The following ZNF423 variants were observed in gnomAD, a reference collection of about 807,000 sequenced individuals.
ZNF423 encodes the protein Ebf-associated zinc finger protein.
ZNF423 carries 12 observed loss-of-function variants against 95.8 expected under a neutral mutation model. The ratio of observed to expected loss-of-function variants is 0.13; its 90% CI spans 0.08 to 0.20. The LOEUF (loss-of-function observed/expected upper bound fraction) is 0.20. Among genes scored for constraint, ZNF423 ranks in the 10% least tolerant of loss-of-function variants. The pLI, the probability that ZNF423 is intolerant of heterozygous loss-of-function variation, is 1.00. For synonymous variants in ZNF423, 749 were observed against 711.9 expected, an observed-to-expected ratio of 1.05 and a Z score of -0.83; for missense variants, 1,316 against 1,737.1, an observed-to-expected ratio of 0.76 and a Z score of 4.31.
Position 49,516,582 on chromosome 16 carries a change from G to A in ZNF423, c.3849+7042C>T, listed in dbSNP as rs563219528. On this transcript the variant is annotated intron_variant, in intron 7 of 7. Coordinates refer to ENST00000563137, the MANE Select transcript of ZNF423 (RefSeq NM_001379286.1). ...GAGCTGCCCTCACAAAGACTGGGCC[G>A]CTCCCTGCTTCACTCTTGGCAGCAT... is the stretch of plus-strand genomic sequence containing the variant. 2.0e-5 allele frequency among the ~76,000 whole-genome samples: 3 copies of A among 152,246 alleles called. No homozygotes were observed. In the East Asian group the frequency reaches 5.8e-4, roughly 29 times the overall value.
intron 2 of ZNF423, among the ~76,000 whole-genome samples, chr16:49,781,482 A>G (rs1343750259): frequency 6.6e-6 from 1 of 152,162 alleles, no homozygotes; most frequent in African/African-American, 2.4e-5. Flanking sequence ...AGACGAATGG[A>G]GCTCGAAAGG....
At chr16:49,845,068 T>G (rs34995211) in intron 1 of ZNF423, among the ~76,000 whole-genome samples, 22,367 of 110,754 alleles carry the variant, frequency 0.2, 2,533 homozygotes, top group Middle Eastern at 0.36. Context: ...AAAAAACAAA[T>G]CTTTTAGACA....
intron 5 of ZNF423, among the ~76,000 whole-genome samples, chr16:49,578,062 G>T (rs1178978132): frequency 6.6e-6 from 1 of 152,248 alleles, no homozygotes; most frequent in African/African-American, 2.4e-5. Context: ...TAGAGCCACA[G>T]TATTCCAAGA....
chr16:49,851,462 C>T lies in ZNF423; in HGVS notation c.40+4273G>A, dbSNP rs187250202. Among the ~76,000 whole-genome samples, 21 of 152,312 alleles carry T rather than the reference C, an allele frequency of 1.4e-4. No individual in the cohort carries two copies. The East Asian group carries it at 1.7e-3, about 13-fold the overall frequency. On this transcript the variant is annotated intron_variant, in intron 1 of 7. Coordinates refer to ENST00000563137, the MANE Select transcript of ZNF423 (RefSeq NM_001379286.1). ...AGCCACTAGCTTAAGAGTTGGCTAC[C>T]GATATAGCAATTATTGCAACTTTCT...
intron 2 of ZNF423, among the ~76,000 whole-genome samples, chr16:49,768,747 G>C (rs961060607): frequency 6.7e-6 from 1 of 149,556 alleles, no homozygotes; most frequent in African/African-American, 2.4e-5. Context: ...ACCCCCCAGT[G>C]GGTGCATCTG....
chr16:49,639,785 C>T (rs1972907484), intron 3 of ZNF423, among the ~76,000 whole-genome samples: 1 of 152,230 alleles, frequency 6.6e-6, no homozygotes, highest in African/African-American at 2.4e-5. Context: ...GTCCCACCCT[C>T]CCTGGGGACA....
chr16:49,724,354 A>G (rs774950220), intron 3 of ZNF423, among the ~76,000 whole-genome samples: 1 of 152,186 alleles, frequency 6.6e-6, no homozygotes, highest in Non-Finnish European at 1.5e-5. Context: ...GCGGATATCA[A>G]TTGTGCTCAA....
At chr16:49,543,834 G>A (rs555472996) in intron 5 of ZNF423, among the ~76,000 whole-genome samples, 350 of 152,328 alleles carry the variant, frequency 2.3e-3, no homozygotes, top group African/African-American at 8.0e-3. Flanking sequence ...CACAGCGACC[G>A]CCACTCACGG....
chr16:49,781,677 C>T (rs1208251251), intron 2 of ZNF423, among the ~76,000 whole-genome samples: 1 of 152,162 alleles, frequency 6.6e-6, no homozygotes, highest in Non-Finnish European at 1.5e-5. Context: ...GTGAAAGGCC[C>T]GGGCTTCTGG....
At chr16:49,650,175 C>T (rs1973346520) in intron 3 of ZNF423, among the ~76,000 whole-genome samples, 2 of 152,172 alleles carry the variant, frequency 1.3e-5, no homozygotes, top group Admixed American at 1.3e-4. Flanking sequence ...AACAAAACTT[C>T]CAGGGACTCA....
intron 1 of ZNF423, chr16:49,853,550 A>ATATTTACAACACC (rs2035324924): frequency 2.5e-6 from 2 of 807,216 alleles, no homozygotes; most frequent in Non-Finnish European, 3.0e-6. Flanking sequence ...TGTGTGGCTG[A>ATATTTACAACACC]TATTTACAAC....
chr16:49,784,216 A>G (rs2034272597), intron 2 of ZNF423, among the ~76,000 whole-genome samples: 1 of 152,078 alleles, frequency 6.6e-6, no homozygotes, highest in Non-Finnish European at 1.5e-5. Context: ...CACACCCAAA[A>G]GAAATAAAAA....
At chr16:49,787,827 T>C (rs963616382) in intron 2 of ZNF423, among the ~76,000 whole-genome samples, 1 of 152,146 alleles carries the variant, frequency 6.6e-6, no homozygotes, top group Non-Finnish European at 1.5e-5. Context: ...GAGGACCTTC[T>C]GTAGACAACA....
chr16:49,798,486 TG>T (rs35110549), intron 1 of ZNF423, among the ~76,000 whole-genome samples: 20,702 of 152,108 alleles, frequency 0.14, 1,447 homozygotes, highest in East Asian at 0.23. Flanking sequence ...CCAGTCTGGG[TG>T]ACAGAGCAAG....
intron 3 of ZNF423, among the ~76,000 whole-genome samples, chr16:49,718,394 A>G (rs957825948): frequency 2.6e-5 from 4 of 152,254 alleles, no homozygotes; most frequent in South Asian, 2.1e-4. Flanking sequence ...TGACAGAGTG[A>G]TACTCTGTCT....
intron 1 of ZNF423, among the ~76,000 whole-genome samples, chr16:49,832,814 C>A (rs2035075076): frequency 6.6e-6 from 1 of 152,176 alleles, no homozygotes; most frequent in African/African-American, 2.4e-5. Flanking sequence ...GCAGTCACCA[C>A]CCCCAGCCCC....
In ZNF423 at chr16:49,809,310, G is replaced by A. The variant is rs569436470; in HGVS notation, c.41-19764C>T. Among the ~76,000 whole-genome samples the A allele has an allele frequency of 1.2e-4, 19 of 152,324 alleles. No individual in the cohort carries two copies. The South Asian group carries it at 2.9e-3, about 23-fold the overall frequency. On this transcript the variant is annotated intron_variant, in intron 1 of 7. Transcript: ENST00000563137. ...ATCTGGTCCACGGCTGGCAGGGGCC[G>A]GCCCGGCCCTGGGGGCCCTTGGAAA...
At chr16:49,618,234 C>T (rs1378574877) in intron 5 of ZNF423, among the ~76,000 whole-genome samples, 1 of 152,212 alleles carries the variant, frequency 6.6e-6, no homozygotes, top group African/African-American at 2.4e-5. Context: ...GTAATGACAG[C>T]ACGTCTCACA....
chr16:49,550,456 T>A (rs1835758770), intron 5 of ZNF423, among the ~76,000 whole-genome samples: 2 of 152,372 alleles, frequency 1.3e-5, no homozygotes, highest in South Asian at 4.1e-4. Context: ...CACTGCCTAT[T>A]TCAATTCCCT....
Sources: gnomAD v4.1 joint callset for allele counts (sites outside exome capture counted in the v4.1 genomes callset) on GRCh38, gnomAD v4.1.1 for gene constraint, MANE v1.5 for transcripts, NCBI Gene and HGNC (gene_info 2026-07-23, HGNC 2026-07-21) for gene names.